ABLIM1: variants seen among roughly 807,000 people sequenced by gnomAD.
ABLIM1 encodes the protein actin binding LIM protein 1.
A neutral mutation model predicts 107.0 loss-of-function variants in ABLIM1; 40 were observed. The observed-to-expected ratio is 0.37, with a 90% CI of 0.29 to 0.49. The LOEUF is 0.49. ABLIM1 is among the 20% of genes least tolerant of loss of function. The pLI, the probability that ABLIM1 is intolerant of heterozygous loss-of-function variation, is 0.97. For missense variants in ABLIM1, 857 were observed against 1,008.5 expected (o/e 0.85, Z 2.04); for synonymous variants, 357 against 357.3 (o/e 1.00, Z 0.01).
intron 1 of ABLIM1, among the ~76,000 whole-genome samples, chr10:114,701,673 G>A (rs541491196): frequency 9.9e-5 from 15 of 152,268 alleles, no homozygotes; most frequent in Admixed American, 3.9e-4. Flanking sequence ...AAAACAGTGC[G>A]TAGTATATGA....
intron 1 of ABLIM1, among the ~76,000 whole-genome samples, chr10:114,644,319 A>ATG (rs1298668906): frequency 5.6e-5 from 7 of 124,522 alleles, no homozygotes; most frequent in African/African-American, 2.5e-4. Context: ...ATATATATAT[A>ATG]TATATATATA....
intron 1 of ABLIM1, among the ~76,000 whole-genome samples, chr10:114,680,422 G>A (rs574555269): frequency 5.9e-5 from 9 of 152,342 alleles, no homozygotes; most frequent in African/African-American, 1.9e-4. Flanking sequence ...AAAGGAGCAT[G>A]CTTTCCTTCT....
intron 1 of ABLIM1, among the ~76,000 whole-genome samples, chr10:114,692,579 A>T (rs2081103400): frequency 6.6e-6 from 1 of 152,212 alleles, no homozygotes; most frequent in Admixed American, 6.5e-5. Flanking sequence ...TCAAAAGGAT[A>T]AAGTATTTTT....
In ABLIM1 at chr10:114,658,184, C is replaced by A. The variant is rs191768497; in HGVS notation, c.17G>T (p.Gly6Val). Residue 6 changes from glycine (G) to valine (V), a missense_variant, in exon 1 of 23, where the codon GGT becomes GTT. Transcript: ENST00000533213. MPAFLGLKCLGKLCSS... is the reference protein window; with the variant it reads MPAFLVLKCLGKLCSS... ...GCACAATTTCCCCAGACACTTTAGACCAAGGAAGGCAGGCATCTTGGCATG... is the reference window on the plus strand; with the variant it reads ...GCACAATTTCCCCAGACACTTTAGAACAAGGAAGGCAGGCATCTTGGCATG... 8 of 1,606,172 alleles carry A rather than the reference C, an allele frequency of 5.0e-6. No individual in the cohort carries two copies. The highest frequency in any genetic ancestry group is 2.7e-5 in the African/African-American group (2 of 74,844).
At chr10:114,710,046 G>A (rs1188266210) in intron 1 of ABLIM1, among the ~76,000 whole-genome samples, 1 of 152,190 alleles carries the variant, frequency 6.6e-6, no homozygotes, top group Non-Finnish European at 1.5e-5. Context: ...TTGGGCAAGA[G>A]TTGTCATGCA....
chr10:114,634,154 A>T (rs1252864994), intron 1 of ABLIM1, among the ~76,000 whole-genome samples: 1 of 13,404 alleles, frequency 7.5e-5, no homozygotes, highest in Non-Finnish European at 1.7e-4. Context: ...TTTTTTTGAG[A>T]CGGAGTCTTG....
rs191403536 is a variant in ABLIM1, at chr10:114,512,563, G to A, written c.895-20685C>T. On this transcript the variant is annotated intron_variant, in intron 6 of 22. Transcript: ENST00000533213. ...ATCCAGGCCAGGTGTGGTGGCTCACGCCTGTAATCCCAGCACTTTAGGAGG... is the reference window on the plus strand; with the variant it reads ...ATCCAGGCCAGGTGTGGTGGCTCACACCTGTAATCCCAGCACTTTAGGAGG... 4.1e-5 allele frequency among the ~76,000 whole-genome samples: 6 copies of A among 148,000 alleles called. No individual in the cohort carries two copies. The East Asian group carries it at 5.8e-4, about 14-fold the overall frequency.
chr10:114,760,140 G>T (rs2082713682), intron 1 of ABLIM1, among the ~76,000 whole-genome samples: 4 of 151,724 alleles, frequency 2.6e-5, no homozygotes, highest in Admixed American at 1.3e-4. Context: ...AATTAGTCTG[G>T]ATGCTGCAGG....
chr10:114,553,094 C>T (rs1217389825), intron 4 of ABLIM1, among the ~76,000 whole-genome samples: 1 of 123,260 alleles, frequency 8.1e-6, no homozygotes, highest in African/African-American at 4.8e-5. Context: ...TTTCCGCCTT[C>T]CTGGAATTCT....
chr10:114,500,698 A>G (rs1197045296), intron 6 of ABLIM1, among the ~76,000 whole-genome samples: 31 of 134,060 alleles, frequency 2.3e-4, no homozygotes, highest in Admixed American at 1.2e-3. Flanking sequence ...AAAAAAAAAA[A>G]AAAGAAAGAG....
chr10:114,491,378 A>C (rs915914515), intron 7 of ABLIM1, among the ~76,000 whole-genome samples: 4 of 152,142 alleles, frequency 2.6e-5, no homozygotes, highest in African/African-American at 7.2e-5. Flanking sequence ...TTCTCACAGG[A>C]GAGTAAAAGG....
intron 6 of ABLIM1, chr10:114,526,834 C>T: frequency 1.0e-6 from 1 of 985,446 alleles, no homozygotes; most frequent in African/African-American, 1.7e-5. Context: ...CTCCGAAGCT[C>T]GGCTAAGGCA....
chr10:114,596,080 A>C (rs936879584), intron 2 of ABLIM1, among the ~76,000 whole-genome samples: 5 of 152,040 alleles, frequency 3.3e-5, no homozygotes, highest in African/African-American at 1.2e-4. Flanking sequence ...GGACATGTGG[A>C]TCCCTCTTCA....
chr10:114,480,404 C>T (rs1421283469), intron 8 of ABLIM1, among the ~76,000 whole-genome samples: 1 of 152,190 alleles, frequency 6.6e-6, no homozygotes, highest in Non-Finnish European at 1.5e-5. Flanking sequence ...ATAAAGGAAA[C>T]AGCAAGGACT....
In ABLIM1 at chr10:114,575,569, A is replaced by T; in HGVS notation, c.410T>A (p.Phe137Tyr). The part of the protein sequence containing the change: ...VCGCDLAQGG[F>Y]FIKNGEYLCT... ...GAGATACTCTCCGTTCTTTATGAAGAAGCCCCCTTGTGCCAGGTCACAGCC... is the reference window on the plus strand; with the variant it reads ...GAGATACTCTCCGTTCTTTATGAAGTAGCCCCCTTGTGCCAGGTCACAGCC... Residue 137 changes from phenylalanine to tyrosine, a missense_variant, in exon 3 of 23, where the codon TTC becomes TAC. Around this residue, in one of 5 missense-constraint regions of ABLIM1, gnomAD observed 176 missense variants for 173.5 expected, o/e 1.01. Transcript: ENST00000533213. 6.2e-7 allele frequency: 1 copy of T among 1,614,084 alleles called. No homozygotes were observed. Among genetic ancestry groups the T allele is most frequent in the Non-Finnish European group, 8.5e-7 (1 of 1,179,974 alleles).
chr10:114,799,026 T>C, the ABLIM1 span, among the ~76,000 whole-genome samples: 1 of 152,096 alleles, frequency 6.6e-6, no homozygotes, highest in African/African-American at 2.4e-5. Context: ...TCTCAATCTT[T>C]TGACCTCATG....
chr10:114,574,633 G>T (rs1454924048), intron 3 of ABLIM1, among the ~76,000 whole-genome samples: 1 of 151,942 alleles, frequency 6.6e-6, no homozygotes, highest in Non-Finnish European at 1.5e-5. Flanking sequence ...GTAGAGACAG[G>T]GTTTCACCAT....
intron 2 of ABLIM1, among the ~76,000 whole-genome samples, chr10:114,577,988 C>T (rs1424288508): frequency 5.3e-5 from 8 of 152,164 alleles, no homozygotes; most frequent in Non-Finnish European, 1.2e-4. Context: ...CCTCCCCAGG[C>T]TTTACTTTCC....
At chr10:114,626,466 T>C (rs553978648) in intron 1 of ABLIM1, among the ~76,000 whole-genome samples, 27 of 152,324 alleles carry the variant, frequency 1.8e-4, no homozygotes, top group Admixed American at 7.8e-4. Flanking sequence ...AGGTATGAAC[T>C]GGACTACTCA....
Sources: allele counts gnomAD v4.1 joint callset (sites outside exome capture counted in the v4.1 genomes callset), GRCh38; gene constraint gnomAD v4.1.1; regional missense constraint gnomAD v4.1.1; transcripts MANE v1.5; gene names NCBI Gene and HGNC (gene_info 2026-07-23, HGNC 2026-07-21).